PCNT: variants seen among roughly 807,000 people sequenced by gnomAD.
The protein encoded by PCNT is pericentrin.
A neutral mutation model predicts 380.4 loss-of-function variants in PCNT; 319 were observed. The observed-to-expected ratio is 0.84, with a 90% CI of 0.77 to 0.92. PCNT has a LOEUF of 0.92. PCNT is among the 40% of genes least tolerant of loss of function. The pLI is 0.00. For missense variants in PCNT, 4,400 were observed against 4,255.3 expected (o/e 1.03, Z -0.95); for synonymous variants, 1,845 against 1,735.2 (o/e 1.06, Z -1.57).
intron 27 of PCNT, among the ~76,000 whole-genome samples, chr21:46,404,535 C>G (rs2086568267): frequency 6.6e-6 from 1 of 152,246 alleles, no homozygotes; most frequent in African/African-American, 2.4e-5. Context: ...ACGCTTCTGG[C>G]TACGCCTGCG....
Position 46,347,517 on chromosome 21 carries a change from C to T in PCNT, c.1032+5C>T, listed in dbSNP as rs1601797292. On this transcript the variant is annotated splice_donor_5th_base_variant and intron_variant, in intron 6 of 46. Transcript: ENST00000359568. The stretch of plus-strand genomic sequence containing the variant: ...AAAAACGCCCAGATAGTAAAGGTAC[C>T]CGGGATCGATTCTAAAATGCACGCC... 1 of 1,613,750 alleles carries T rather than the reference C, an allele frequency of 6.2e-7. No individual in the cohort carries two copies. Among genetic ancestry groups the T allele is most frequent in the East Asian group, 2.2e-5 (1 of 44,866 alleles).
chr21:46,324,569 G>T (rs1220288996), intron 1 of PCNT, among the ~76,000 whole-genome samples: 4 of 38,496 alleles, frequency 1.0e-4, no homozygotes, highest in Admixed American at 3.6e-4. Flanking sequence ...GCGTCGGGGG[G>T]GGTGGGGCGC....
In PCNT at chr21:46,352,939, G is replaced by A. The variant is rs371055580; in HGVS notation, c.1457-165G>A. Among the ~76,000 whole-genome samples the A allele has an allele frequency of 2.0e-4, 30 of 152,320 alleles. No individual in the cohort carries two copies. In the East Asian group the frequency reaches 5.4e-3, roughly 27 times the overall value. On this transcript the variant is annotated intron_variant, in intron 9 of 46. Coordinates refer to ENST00000359568, the MANE Select transcript of PCNT (RefSeq NM_006031.6). ...TGGAGAGAGCTCTCCACATTCAGGG[G>A]CGTACGAGAGTCTAAGCCGTAGGGG...
chr21:46,412,140 C>A (rs2086809819), intron 28 of PCNT, 73 bp downstream of exon 28: 1 of 1,512,792 alleles, frequency 6.6e-7, no homozygotes, highest in South Asian at 1.2e-5. Flanking sequence ...TCAATGACTT[C>A]TCTCTGCGCT....
At chr21:46,397,982 G>C (rs374475993) in intron 22 of PCNT, 32 bp from the exon 23 acceptor site, 6 of 1,532,418 alleles carry the variant, frequency 3.9e-6, no homozygotes, top group Non-Finnish European at 5.3e-6. Context: ...AGCCCCGTTG[G>C]GGTGGTCCCA....
Position 46,388,748 on chromosome 21 carries a change from C to T in PCNT, c.3471C>T (p.Ala1157=). Residue 1157 remains alanine, a synonymous_variant, in exon 18 of 47, where the codon GCC becomes GCT. Coordinates refer to ENST00000359568, the MANE Select transcript of PCNT (RefSeq NM_006031.6). The surrounding 1 kb of genome is among the most constrained non-coding windows in gnomAD (Gnocchi z 4.2). ...TGGGTGTCTCCTGTCTCAGAGGGGC[C>T]CTCCAGGACGCCCTGCGCAGGCTGC... ...DVNLSHSERG[A]LQDALRRLLG... 1 of 1,613,794 alleles carries T rather than the reference C, an allele frequency of 6.2e-7. No individual in the cohort carries two copies. The highest frequency in any genetic ancestry group is 1.1e-5 in the South Asian group (1 of 91,076).
At chr21:46,412,135 G>A in intron 28 of PCNT, 68 bp downstream of exon 28, 1 of 1,539,318 alleles carries the variant, frequency 6.5e-7, no homozygotes, top group Non-Finnish European at 8.8e-7. Flanking sequence ...TGATGTCAAT[G>A]ACTTCTCTCT....
In PCNT at chr21:46,389,370, T is replaced by A; in HGVS notation, c.3779T>A (p.Phe1260Tyr). 1.2e-6 allele frequency: 2 copies of A among 1,614,188 alleles called. No individual in the cohort carries two copies. Among genetic ancestry groups the A allele is most frequent in the Non-Finnish European group, 1.7e-6 (2 of 1,180,018 alleles). Residue 1260 changes from phenylalanine to tyrosine, a missense_variant, in exon 19 of 47, where the codon TTC becomes TAC. Transcript: ENST00000359568. ...RECEQPIRRV[F>Y]QSLSLAVDGL... ...TGTGAGCAGCCCATCCGGAGGGTCT[T>A]CCAGAGCCTCAGCCTGGCCGTGGAC...
In PCNT at chr21:46,411,707, C is replaced by T. The variant is rs61735811; in HGVS notation, c.5634C>T (p.Asp1878=). The change falls in exon 28 of 47, where the codon GAC becomes GAT. Residue 1878 remains aspartate (D), a synonymous_variant. Coordinates refer to ENST00000359568, the MANE Select transcript of PCNT (RefSeq NM_006031.6). ...ATIAERNLEI[D]ALNQRKAAHS... Reference sequence around the variant, plus strand: ...TTGCCGAGAGAAATTTAGAAATCGACGCTCTGAACCAGCGGAAGGCGGCCC... The same window carrying T: ...TTGCCGAGAGAAATTTAGAAATCGATGCTCTGAACCAGCGGAAGGCGGCCC... The T allele has an allele frequency of 0.054, 87,470 of 1,612,720 alleles. 2,698 individuals are homozygous for T. The highest frequency in any genetic ancestry group is 0.061 in the Non-Finnish European group (71,702 of 1,179,828).
At chr21:46,390,625 G>C in intron 19 of PCNT, 45 bp from the exon 20 acceptor site, 1 of 1,605,566 alleles carries the variant, frequency 6.2e-7, no homozygotes, top group East Asian at 2.2e-5. Context: ...GTAGGCTTCA[G>C]TTATTTTTGA....
rs759946797 is a variant in PCNT, at chr21:46,412,815, TTCCTCTGTC to T, written c.5995-12_5995-4del. On this transcript the variant is annotated splice_polypyrimidine_tract_variant and intron_variant, in intron 28 of 46. Transcript: ENST00000359568. ...GCAACAGCCTCCTGCATGCTCAGCT[TTCCTCTGTC>T]TCCTCTGTCAAGGGTGATCTGCAGC... is the stretch of plus-strand genomic sequence containing the variant. The T allele has an allele frequency of 5.6e-5, 90 of 1,608,816 alleles. No homozygotes were observed. The highest frequency in any genetic ancestry group is 5.3e-4 in the Admixed American group (32 of 60,024).
chr21:46,386,802 A>C (rs1259543872), intron 17 of PCNT, among the ~76,000 whole-genome samples: 1 of 152,114 alleles, frequency 6.6e-6, no homozygotes, highest in Admixed American at 6.5e-5. Context: ...TCTTGCTTGC[A>C]CCTGTCTGGG....
At chr21:46,378,040 T>G (rs997122891) in intron 15 of PCNT, among the ~76,000 whole-genome samples, 2 of 152,190 alleles carry the variant, frequency 1.3e-5, no homozygotes, top group African/African-American at 4.8e-5. Context: ...CATGTGTCAA[T>G]ACTTGCTTGG....
intron 38 of PCNT, 127 bp from the exon 39 acceptor site, chr21:46,435,777 C>G: frequency 1.0e-6 from 1 of 999,736 alleles, no homozygotes; most frequent in Non-Finnish European, 1.5e-6. Flanking sequence ...CTCCTGACCT[C>G]ATGATCTGCC....
At position 46,435,372 on chromosome 21, in the gene PCNT, C is replaced by T. The variant is rs147070762; in HGVS notation, c.8752-532C>T. Among the ~76,000 whole-genome samples, 530 of 151,924 alleles carry T rather than the reference C, an allele frequency of 3.5e-3. 2 individuals carry two copies. The highest frequency in any genetic ancestry group is 4.9e-3 in the Non-Finnish European group (334 of 67,962). On this transcript the variant is annotated intron_variant, in intron 38 of 46. Coordinates refer to ENST00000359568, the MANE Select transcript of PCNT (RefSeq NM_006031.6). ...TCCCGAGTAGCTGGGATTACAGGTG[C>T]GCACCACCACGCCCAGCTAATTTTT...
chr21:46,440,012 C>G, intron 41 of PCNT, 71 bp from the exon 42 acceptor site: 2 of 1,597,694 alleles, frequency 1.3e-6, no homozygotes, highest in South Asian at 2.2e-5. Context: ...TCACCTGCCC[C>G]CGGCTGCGTC....
chr21:46,353,086 G>C lies in PCNT; in HGVS notation c.1457-18G>C. On this transcript the variant is annotated intron_variant, in intron 9 of 46. Coordinates refer to ENST00000359568, the MANE Select transcript of PCNT (RefSeq NM_006031.6). The stretch of plus-strand genomic sequence containing the variant: ...GTGTCCCATTTTAAGACGATTGCCT[G>C]ACTCCGTTATGTTGCAGAGCTACAT... 1 of 1,606,518 alleles carries C rather than the reference G, an allele frequency of 6.2e-7. No individual in the cohort carries two copies. The highest frequency in any genetic ancestry group is 8.5e-7 in the Non-Finnish European group (1 of 1,173,514).
intron 3 of PCNT, among the ~76,000 whole-genome samples, chr21:46,335,609 C>G (rs1219027580): frequency 6.8e-6 from 1 of 148,080 alleles, no homozygotes; most frequent in African/African-American, 2.5e-5. Context: ...AAAAAAAAAG[C>G]CTCTATTTTA....
chr21:46,325,229 C>A (rs906539828), intron 1 of PCNT: 33 of 982,130 alleles, frequency 3.4e-5, no homozygotes, highest in South Asian at 4.7e-5. Flanking sequence ...CGCTCCCCCC[C>A]AGGATGTTCT....
Sources: gnomAD v4.1 joint callset for allele counts (sites outside exome capture counted in the v4.1 genomes callset) on GRCh38, gnomAD v4.1.1 for gene constraint, Gnocchi (gnomAD v3.1) non-coding constraint, MANE v1.5 for transcripts, NCBI Gene and HGNC (gene_info 2026-07-23, HGNC 2026-07-21) for gene names.